DPYD: variants seen among roughly 807,000 people sequenced by gnomAD.
DPYD encodes the protein dihydropyrimidine dehydrogenase.
A neutral mutation model predicts 116.2 loss-of-function variants in DPYD; 109 were observed. That is an observed-to-expected ratio of 0.94 (90% CI 0.80 to 1.10). The LOEUF (loss-of-function observed/expected upper bound fraction) is 1.10, where lower values mean the gene tolerates loss of function less well. Among genes scored for constraint, DPYD ranks in the 50% least tolerant of loss-of-function variants. The probability of loss-of-function intolerance (pLI) is 0.00; values close to 1 mark genes in which losing one functional copy is unlikely to be tolerated. For missense variants in DPYD, 1,302 were observed against 1,254.5 expected, an observed-to-expected ratio of 1.04 and a Z score of -0.57; for synonymous variants, 440 against 432.0, an observed-to-expected ratio of 1.02 and a Z score of -0.23.
chr1:97,220,019 C>T (rs755857953), intron 19 of DPYD, among the ~76,000 whole-genome samples: 2 of 152,078 alleles, frequency 1.3e-5, no homozygotes, highest in Non-Finnish European at 2.9e-5. Context: ...GCCAGGAGGA[C>T]ACTCTTCTCT....
intron 16 of DPYD, among the ~76,000 whole-genome samples, chr1:97,309,789 G>C (rs1031866025): frequency 6.6e-6 from 1 of 151,690 alleles, no homozygotes; most frequent in African/African-American, 2.4e-5. Flanking sequence ...ATGCAAAACT[G>C]GTTGTTTTTA....
chr1:97,382,040 G>A (rs1672002821), intron 15 of DPYD, among the ~76,000 whole-genome samples: 3 of 152,080 alleles, frequency 2.0e-5, no homozygotes, highest in Admixed American at 2.0e-4. Flanking sequence ...TAAAGGCAAG[G>A]TAAGATCAAG....
chr1:97,183,847 G>C (rs1017002600), intron 20 of DPYD, among the ~76,000 whole-genome samples: 13 of 151,910 alleles, frequency 8.6e-5, no homozygotes, highest in African/African-American at 3.1e-4. Flanking sequence ...CATTATACAG[G>C]TTATTTTGTC....
chr1:97,459,007 A>G (rs61789173), intron 13 of DPYD, among the ~76,000 whole-genome samples: 1,917 of 152,298 alleles, frequency 0.013, 23 homozygotes, highest in Non-Finnish European at 0.02. Context: ...AAAAAGCTAC[A>G]AAATCAGATC....
At chr1:97,322,725 A>T (rs1668370905) in intron 16 of DPYD, 1 of 152,030 alleles carries the variant, frequency 6.6e-6, no homozygotes, top group Non-Finnish European at 1.5e-5. Context: ...GAAAGGAAAC[A>T]TGGCGAGGTT....
chr1:97,161,871 T>C (rs1655930423), intron 20 of DPYD, among the ~76,000 whole-genome samples: 1 of 151,828 alleles, frequency 6.6e-6, no homozygotes, highest in Admixed American at 6.6e-5. Context: ...GATTTCCAAT[T>C]TCATCCATGT....
intron 13 of DPYD, among the ~76,000 whole-genome samples, chr1:97,452,422 A>T (rs1416243777): frequency 6.6e-6 from 1 of 152,156 alleles, no homozygotes; most frequent in Non-Finnish European, 1.5e-5. Flanking sequence ...ATGAGTCTAG[A>T]CTAAAACCAT....
chr1:97,598,807 T>C (rs10783070), intron 8 of DPYD, among the ~76,000 whole-genome samples: 117,161 of 152,146 alleles, frequency 0.77, 46,572 homozygotes, highest in East Asian at 0.96. Context: ...ACATTTTAAA[T>C]ATGAGGAAAT....
chr1:97,418,549 C>T (rs1052794412), intron 14 of DPYD, among the ~76,000 whole-genome samples: 3 of 152,108 alleles, frequency 2.0e-5, no homozygotes, highest in Non-Finnish European at 4.4e-5. Context: ...ATCCACCCTC[C>T]TCAGACTCCC....
chr1:97,407,336 T>G (rs1451448261), intron 14 of DPYD, among the ~76,000 whole-genome samples: 1 of 152,158 alleles, frequency 6.6e-6, no homozygotes, highest in Non-Finnish European at 1.5e-5. Context: ...AAAATAAAAT[T>G]CTATGTCAAT....
intron 8 of DPYD, among the ~76,000 whole-genome samples, chr1:97,619,956 A>C (rs1656529719): frequency 3.3e-5 from 5 of 152,166 alleles, no homozygotes; most frequent in Admixed American, 3.3e-4. Context: ...TAAATACAAA[A>C]AAGCTGAAAG....
In DPYD at chr1:97,753,167, T is replaced by C. The variant is rs183858808; in HGVS notation, c.234-12688A>G. 3.0e-3 allele frequency among the ~76,000 whole-genome samples: 462 copies of C among 152,292 alleles called. 1 individual carries two copies. Among genetic ancestry groups the C allele is most frequent in the African/African-American group, 0.011 (453 of 41,568 alleles). On this transcript the variant is annotated intron_variant, in intron 3 of 22. Coordinates refer to ENST00000370192, the MANE Select transcript of DPYD (RefSeq NM_000110.4). ...CACTCAATGAGGTAGATATAAATAT[T>C]AACTCCTATGTTTATAAAAACCCAA...
At chr1:97,353,108 G>C (rs1436744482) in intron 16 of DPYD, among the ~76,000 whole-genome samples, 1 of 152,114 alleles carries the variant, frequency 6.6e-6, no homozygotes, top group East Asian at 1.9e-4. Flanking sequence ...GAGCAGCATG[G>C]AATCTAGTAA....
intron 18 of DPYD, among the ~76,000 whole-genome samples, chr1:97,294,433 T>C (rs1412038022): frequency 2.0e-5 from 3 of 152,332 alleles, no homozygotes; most frequent in Non-Finnish European, 4.4e-5. Context: ...GTCTTCAAAA[T>C]GTCCTTCTCT....
chr1:97,732,607 T>C (rs1663692662), intron 4 of DPYD, among the ~76,000 whole-genome samples: 2 of 152,060 alleles, frequency 1.3e-5, no homozygotes, highest in African/African-American at 2.4e-5. Context: ...TTTCACACCA[T>C]ACATTCAATT....
intron 19 of DPYD, among the ~76,000 whole-genome samples, chr1:97,226,071 T>C (rs1261559534): frequency 6.6e-6 from 1 of 152,114 alleles, no homozygotes; most frequent in African/African-American, 2.4e-5. Context: ...CTTAGAGATG[T>C]GAGAATGATT....
chr1:97,713,929 T>C (rs1486268172), intron 5 of DPYD, among the ~76,000 whole-genome samples: 15 of 152,106 alleles, frequency 9.9e-5, no homozygotes, highest in Admixed American at 9.8e-4. Context: ...CTAACAAATA[T>C]AGTTTAATCT....
At chr1:97,299,018 G>T (rs192768957) in intron 18 of DPYD, among the ~76,000 whole-genome samples, 1 of 152,006 alleles carries the variant, frequency 6.6e-6, no homozygotes, top group South Asian at 2.1e-4. Context: ...TCTCTGCAAG[G>T]CTTCCTTAAT....
At chr1:97,130,766 TTCCTTCC>T (rs1238801952) in intron 20 of DPYD, among the ~76,000 whole-genome samples, 2 of 50,764 alleles carry the variant, frequency 3.9e-5, no homozygotes, top group Non-Finnish European at 8.9e-5. Flanking sequence ...CCTTCCTTCC[TTCCTTCC>T]TTCCTTTCCT....
Sources: gnomAD v4.1 joint callset for allele counts (sites outside exome capture counted in the v4.1 genomes callset) on GRCh38, gnomAD v4.1.1 for gene constraint, MANE v1.5 for transcripts, NCBI Gene and HGNC (gene_info 2026-07-23, HGNC 2026-07-21) for gene names.